The following CLRN1 variants were observed in gnomAD, a reference collection of about 807,000 sequenced individuals.
CLRN1 encodes the protein clarin-1.
A neutral mutation model predicts 18.7 loss-of-function variants in CLRN1; 15 were observed. That is an observed-to-expected ratio of 0.80 (90% CI 0.54 to 1.23). CLRN1 has a LOEUF of 1.23. CLRN1 is among the 50% of genes most tolerant of loss of function. The pLI is 0.00. For synonymous variants in CLRN1, 104 were observed against 102.9 expected (o/e 1.01, Z -0.07); for missense variants, 311 against 277.5 (o/e 1.12, Z -0.86).
At chr3:150,945,645 A>C in intron 1 of CLRN1, 1 of 1,284,008 alleles carries the variant, frequency 7.8e-7, no homozygotes, top group Non-Finnish European at 1.0e-6. Flanking sequence ...AGGTCATTTG[A>C]CTGCTGATGT....
rs1712807144 is a variant in CLRN1, at chr3:150,926,639, C to T, written c.*1297G>A. ...ATTGACACCAGAGCAAGTTATTTCT[C>T]AGGTATACGGTTGTTTCATCCTTGT... On this transcript the variant is annotated 3_prime_UTR_variant, in exon 3 of 3. Transcript: ENST00000327047. 3.8e-6 allele frequency: 3 copies of T among 789,264 alleles called. No individual in the cohort carries two copies. The highest frequency in any genetic ancestry group is 6.5e-6 in the Non-Finnish European group (3 of 462,424). 48.9% of individuals were successfully genotyped at this position (789,264 alleles called of 1,614,324 possible). A position where few individuals can be genotyped will look rare whatever the true frequency, so the allele number is the denominator to read the frequency against.
Position 150,928,195 on chromosome 3 carries a change from C to T in CLRN1, c.440G>A (p.Cys147Tyr), listed in dbSNP as rs1712936705. 6.2e-7 allele frequency: 1 copy of T among 1,614,038 alleles called. No homozygotes were observed. Among genetic ancestry groups the T allele is most frequent in the Non-Finnish European group, 8.5e-7 (1 of 1,179,988 alleles). Residue 147 changes from cysteine (C) to tyrosine (Y), a missense_variant, in exon 3 of 3, where the codon TGT becomes TAT. Coordinates refer to ENST00000327047, the MANE Select transcript of CLRN1 (RefSeq NM_174878.3). ...AAACAATATCATGACAAGACAGCCA[C>T]AGGAGCCTGCAACAGAAGAAACAAG... Reference protein sequence around the residue: ...LYLLSFISGSCGCLVMILFAS... With the variant: ...LYLLSFISGSYGCLVMILFAS...
At chr3:150,962,565 T>G (rs537412476) in intron 1 of CLRN1, among the ~76,000 whole-genome samples, 1 of 152,342 alleles carries the variant, frequency 6.6e-6, no homozygotes, top group Admixed American at 6.5e-5. Context: ...CCTGCTTTTC[T>G]TTTGGTCCTT....
chr3:150,959,834 T>G (rs1006109995), intron 1 of CLRN1, among the ~76,000 whole-genome samples: 4 of 152,212 alleles, frequency 2.6e-5, no homozygotes, highest in Admixed American at 1.3e-4. Flanking sequence ...ATTCTGAAAC[T>G]TTGTTAACCT....
At chr3:150,938,695 C>G (rs548525493) in intron 2 of CLRN1, among the ~76,000 whole-genome samples, 2 of 152,282 alleles carry the variant, frequency 1.3e-5, no homozygotes, top group East Asian at 1.9e-4. Context: ...CTGCAAGACA[C>G]AGATCTGGAG....
At chr3:150,929,419 G>T (rs1713013358) in intron 2 of CLRN1, among the ~76,000 whole-genome samples, 1 of 152,158 alleles carries the variant, frequency 6.6e-6, no homozygotes, top group Non-Finnish European at 1.5e-5. Context: ...TATATCTCAG[G>T]CCACCACAAT....
chr3:150,967,494 C>T (rs1715319409), intron 1 of CLRN1, among the ~76,000 whole-genome samples: 1 of 152,030 alleles, frequency 6.6e-6, no homozygotes, highest in African/African-American at 2.4e-5. Flanking sequence ...GGCAGAAGAG[C>T]CCATGCTTGC....
intron 1 of CLRN1, among the ~76,000 whole-genome samples, chr3:150,969,482 C>T (rs931204689): frequency 1.1e-4 from 17 of 150,962 alleles, no homozygotes; most frequent in South Asian, 2.1e-4. Context: ...GCCCCCGCCA[C>T]GCCCGGCTAA....
At chr3:150,954,425 A>G (rs979906709) in intron 1 of CLRN1, among the ~76,000 whole-genome samples, 1 of 152,006 alleles carries the variant, frequency 6.6e-6, no homozygotes, top group Non-Finnish European at 1.5e-5. Context: ...TTCATAGGTC[A>G]TTTTCGATGA....
rs121908143 is a variant in CLRN1, at chr3:150,972,591, A to C, written c.118T>G (p.Cys40Gly). 243 of 1,614,146 alleles carry C rather than the reference A, an allele frequency of 1.5e-4. No homozygotes were observed. Among genetic ancestry groups the C allele is most frequent in the Non-Finnish European group, 2.0e-4 (240 of 1,180,050 alleles). ...TTGACGAGCAGAGCTCCCGTTTTGC[A>C]GAGGACAGTGGCTTTGATCCACAAC... Reference protein sequence around the residue: ...TPLWIKATVLCKTGALLVNAS... With the variant: ...TPLWIKATVLGKTGALLVNAS... Residue 40 changes from cysteine to glycine, a missense_variant, in exon 1 of 3, where the codon TGC becomes GGC. Transcript: ENST00000327047.
chr3:150,970,615 T>C (rs1715485480), intron 1 of CLRN1, among the ~76,000 whole-genome samples: 1 of 152,124 alleles, frequency 6.6e-6, no homozygotes, highest in Non-Finnish European at 1.5e-5. Context: ...ACTTAATATG[T>C]ATAGTCTATT....
intron 1 of CLRN1, chr3:150,945,548 A>G: frequency 7.8e-7 from 1 of 1,287,072 alleles, no homozygotes; most frequent in Non-Finnish European, 1.0e-6. Flanking sequence ...GCTTAGTGCT[A>G]TCCAATAGGG....
At chr3:150,951,261 A>AAAAAT (rs770548977) in intron 1 of CLRN1, among the ~76,000 whole-genome samples, 2 of 152,154 alleles carry the variant, frequency 1.3e-5, no homozygotes, top group Non-Finnish European at 2.9e-5. Context: ...AAAGTTTTTT[A>AAAAAT]AAAATAAAAT....
At chr3:150,942,719 A>ATGCTT in intron 1 of CLRN1, 1 of 351,996 alleles carries the variant, frequency 2.8e-6, no homozygotes, top group African/African-American at 2.2e-5. Context: ...GCCACAATCA[A>ATGCTT]TGCTTTTCCC....
At chr3:150,969,274 A>ATGTGGCT (rs1213090149) in intron 1 of CLRN1, among the ~76,000 whole-genome samples, 3 of 130,024 alleles carry the variant, frequency 2.3e-5, no homozygotes, top group South Asian at 4.9e-4. Flanking sequence ...AAAAGTACAT[A>ATGTGGCT]TGTGGCTTGT....
At chr3:150,961,085 T>C (rs945997613) in intron 1 of CLRN1, among the ~76,000 whole-genome samples, 6 of 152,232 alleles carry the variant, frequency 3.9e-5, no homozygotes, top group African/African-American at 1.2e-4. Flanking sequence ...CATAAGACCT[T>C]CATGAAAATG....
At chr3:150,940,505 G>C in intron 2 of CLRN1, 2 of 1,534,538 alleles carry the variant, frequency 1.3e-6, no homozygotes, top group Non-Finnish European at 1.7e-6. Context: ...CTGGTAGCTG[G>C]CAGCCAAAGG....
At chr3:150,962,237 C>G (rs1715070352) in intron 1 of CLRN1, among the ~76,000 whole-genome samples, 1 of 151,948 alleles carries the variant, frequency 6.6e-6, no homozygotes, top group Non-Finnish European at 1.5e-5. Flanking sequence ...AAATATGAAC[C>G]CTGCATAAAT....
chr3:150,927,884 A>C lies in CLRN1; in HGVS notation c.*52T>G. ...GATATGCAAAATTAACCACATCTAA[A>C]AGTGACCAAAGCAAGTCTACTCCCT... On this transcript the variant is annotated 3_prime_UTR_variant, in exon 3 of 3. Transcript: ENST00000327047. 6.2e-7 allele frequency: 1 copy of C among 1,609,198 alleles called. No individual in the cohort carries two copies. The highest frequency in any genetic ancestry group is 8.5e-7 in the Non-Finnish European group (1 of 1,176,364).
Sources: allele counts gnomAD v4.1 joint callset (sites outside exome capture counted in the v4.1 genomes callset), GRCh38; gene constraint gnomAD v4.1.1; transcripts MANE v1.5; gene names NCBI Gene and HGNC (gene_info 2026-07-23, HGNC 2026-07-21).